Variants in THSD7A observed in about 807,000 individuals in gnomAD.
The protein encoded by THSD7A is thrombospondin type 1 domain containing 7A.
Under a neutral mutation model 231.3 loss-of-function variants are expected in THSD7A, and 96 were observed. That is an observed-to-expected ratio of 0.41 (90% CI 0.35 to 0.49). THSD7A has a LOEUF of 0.49. Ranked by LOEUF, THSD7A falls within the 20% of genes least tolerant of loss-of-function variation. The pLI is 0.05. For missense variants in THSD7A, 2,290 were observed against 2,070.2 expected, an observed-to-expected ratio of 1.11 and a Z score of -2.06; for synonymous variants, 940 against 743.3, an observed-to-expected ratio of 1.26 and a Z score of -4.30.
intron 9 of THSD7A, among the ~76,000 whole-genome samples, chr7:11,464,414 T>G (rs1785622018): frequency 6.6e-6 from 1 of 152,106 alleles, no homozygotes; most frequent in Non-Finnish European, 1.5e-5. Context: ...TGGCACCTCA[T>G]AGACTAAAGC....
intron 6 of THSD7A, among the ~76,000 whole-genome samples, chr7:11,535,199 A>T (rs1788863714): frequency 6.6e-6 from 1 of 152,208 alleles, no homozygotes; most frequent in South Asian, 2.1e-4. Flanking sequence ...AAAATTATAT[A>T]GAAAATCCTA....
At chr7:11,733,727 T>C (rs979514281) in intron 1 of THSD7A, among the ~76,000 whole-genome samples, 2 of 151,868 alleles carry the variant, frequency 1.3e-5, no homozygotes, top group Non-Finnish European at 2.9e-5. Flanking sequence ...CAATTAAGAA[T>C]AGATAGCTCC....
At chr7:11,609,258 G>C (rs997217681) in intron 2 of THSD7A, among the ~76,000 whole-genome samples, 5 of 152,028 alleles carry the variant, frequency 3.3e-5, no homozygotes, top group African/African-American at 1.2e-4. Flanking sequence ...GGCATGCTGA[G>C]AACATCATTA....
At chr7:11,607,938 A>C (rs971066648) in intron 2 of THSD7A, among the ~76,000 whole-genome samples, 29 of 152,290 alleles carry the variant, frequency 1.9e-4, no homozygotes, top group African/African-American at 6.5e-4. Flanking sequence ...GAATGTGAGG[A>C]TATCAGCATG....
intron 6 of THSD7A, among the ~76,000 whole-genome samples, chr7:11,496,338 C>A (rs62438213): frequency 0.069 from 10,551 of 152,144 alleles, 480 homozygotes; most frequent in Admixed American, 0.097. Flanking sequence ...ATTTATTTGT[C>A]TTCTCTTGTG....
rs764264310 is a variant in THSD7A, at chr7:11,636,774, C to G, written c.378G>C (p.Leu126=). The change falls in exon 2 of 28, where the codon CTG becomes CTC. Residue 126 remains leucine (L), a synonymous_variant. Transcript: ENST00000423059. The surrounding 1 kb of genome is among the most constrained non-coding windows in gnomAD (Gnocchi z 10.0). The stretch of plus-strand genomic sequence containing the variant: ...CGGGCTGACACTGATTCCAAGGTCC[C>G]AGTCTCCAGTCGTACAACTCTTTGT... ...DWHKELYDWR[L]GPWNQCQPVI... is the part of the protein sequence containing the mutation. 6 of 1,613,870 alleles carry G rather than the reference C, an allele frequency of 3.7e-6. No homozygotes were observed. The African/African-American group carries it at 8.0e-5, about 22-fold the overall frequency.
intron 6 of THSD7A, among the ~76,000 whole-genome samples, chr7:11,501,552 G>A (rs1787337107): frequency 6.6e-6 from 1 of 152,084 alleles, no homozygotes; most frequent in Admixed American, 6.6e-5. Context: ...CTGAAATTAA[G>A]GCATAAATCA....
chr7:11,571,945 T>A (rs1420909529), intron 4 of THSD7A, among the ~76,000 whole-genome samples: 1 of 152,204 alleles, frequency 6.6e-6, no homozygotes, highest in East Asian at 1.9e-4. Context: ...TGATGTTTTT[T>A]TAACTGAATT....
chr7:11,540,731 T>C (rs1484400419), intron 6 of THSD7A, among the ~76,000 whole-genome samples: 1 of 152,168 alleles, frequency 6.6e-6, no homozygotes, highest in African/African-American at 2.4e-5. Flanking sequence ...GGAAGGAAGG[T>C]AAAAATCTTA....
intron 6 of THSD7A, among the ~76,000 whole-genome samples, chr7:11,503,529 G>C (rs899166933): frequency 2.7e-5 from 4 of 150,896 alleles, no homozygotes; most frequent in Non-Finnish European, 4.4e-5. Flanking sequence ...AAAACCTACA[G>C]AATAGGAGAA....
At position 11,831,955 on chromosome 7, in the gene THSD7A, C is replaced by T. The variant is rs531122860; in HGVS notation, c.-9G>A. On this transcript the variant is annotated 5_prime_UTR_variant, in exon 1 of 28. Transcript: ENST00000423059. This position sits in a 1 kb window ranked among gnomAD's most constrained non-coding sequence, Gnocchi z 5.0. ...CTGGCTTGCAGCCCCATGCCGCCTG[C>T]AGCCACTCCAGGGTCCAGAGCCGTA... 1.3e-5 allele frequency: 16 copies of T among 1,231,248 alleles called. No homozygotes were observed. The African/African-American group carries it at 2.5e-4, about 19-fold the overall frequency. 76.3% of individuals were successfully genotyped at this position (1,231,248 alleles called of 1,614,324 possible).
At chr7:11,824,119 T>G (rs1784956196) in intron 1 of THSD7A, among the ~76,000 whole-genome samples, 1 of 152,086 alleles carries the variant, frequency 6.6e-6, no homozygotes, top group South Asian at 2.1e-4. Flanking sequence ...GATATCTACC[T>G]TATGACTCAC....
At chr7:11,576,416 T>C (rs1181905410) in intron 4 of THSD7A, among the ~76,000 whole-genome samples, 2 of 152,104 alleles carry the variant, frequency 1.3e-5, no homozygotes, top group African/African-American at 2.4e-5. Flanking sequence ...GAAATCTACA[T>C]ATTTTTACAG....
chr7:11,638,276 T>G (rs1319268843), intron 1 of THSD7A, among the ~76,000 whole-genome samples: 2 of 152,222 alleles, frequency 1.3e-5, no homozygotes, highest in African/African-American at 4.8e-5. Flanking sequence ...GAAAGTGATT[T>G]GCTGAGTTCA....
chr7:11,709,047 G>C (rs1331183685), intron 1 of THSD7A, among the ~76,000 whole-genome samples: 1 of 150,682 alleles, frequency 6.6e-6, no homozygotes, highest in Non-Finnish European at 1.5e-5. Context: ...TGACTCACTG[G>C]AAACTGAAAA....
intron 1 of THSD7A, among the ~76,000 whole-genome samples, chr7:11,762,260 T>G (rs114400724): frequency 0.014 from 2,164 of 152,260 alleles, 39 homozygotes; most frequent in African/African-American, 0.049. Flanking sequence ...TATCCATTAG[T>G]GGGATTGCTA....
intron 6 of THSD7A, among the ~76,000 whole-genome samples, chr7:11,492,087 T>A (rs552731985): frequency 5.9e-5 from 9 of 152,144 alleles, no homozygotes; most frequent in African/African-American, 2.2e-4. Flanking sequence ...CATTCACGTC[T>A]GTTGTGTTTT....
intron 4 of THSD7A, among the ~76,000 whole-genome samples, chr7:11,566,359 T>G (rs1790324452): frequency 6.6e-6 from 1 of 152,210 alleles, no homozygotes; most frequent in Non-Finnish European, 1.5e-5. Flanking sequence ...CTGGGTTCTA[T>G]TCTCAGAAAT....
At chr7:11,586,118 G>A (rs1396924429) in intron 4 of THSD7A, among the ~76,000 whole-genome samples, 1 of 152,114 alleles carries the variant, frequency 6.6e-6, no homozygotes, top group Non-Finnish European at 1.5e-5. Context: ...AAAGTGGTAT[G>A]CTTAGAAATA....
Sources: gnomAD v4.1 joint callset for allele counts (sites outside exome capture counted in the v4.1 genomes callset) on GRCh38, gnomAD v4.1.1 for gene constraint, Gnocchi (gnomAD v3.1) non-coding constraint, MANE v1.5 for transcripts, NCBI Gene and HGNC (gene_info 2026-07-23, HGNC 2026-07-21) for gene names.